ASAP1: variants seen among roughly 807,000 people sequenced by gnomAD.
The protein encoded by ASAP1 is arf-GAP with SH3 domain, ANK repeat and PH domain-containing protein 1.
In ASAP1, 43 loss-of-function variants were observed where a neutral mutation model predicts 145.2. That is an observed-to-expected ratio of 0.30 (90% CI 0.23 to 0.38). ASAP1 has a LOEUF of 0.38. ASAP1 is among the 10% of genes least tolerant of loss of function. ASAP1 has a pLI of 1.00. For synonymous variants in ASAP1, 546 were observed against 515.5 expected (o/e 1.06, Z -0.80); for missense variants, 1,018 against 1,355.3 (o/e 0.75, Z 3.91).
intron 3 of ASAP1, among the ~76,000 whole-genome samples, chr8:130,274,710 T>C (rs1351401412): frequency 6.6e-6 from 1 of 152,244 alleles, no homozygotes; most frequent in Non-Finnish European, 1.5e-5. Flanking sequence ...CGGACTTCTT[T>C]TCCTTAGCAG....
intron 3 of ASAP1, among the ~76,000 whole-genome samples, chr8:130,283,148 G>GT (rs771471357): frequency 6.6e-6 from 1 of 152,206 alleles, no homozygotes; most frequent in Non-Finnish European, 1.5e-5. Flanking sequence ...GAGCTCTGCA[G>GT]TAACTACTGT....
At chr8:130,391,381 G>A (rs1191267181) in intron 2 of ASAP1, among the ~76,000 whole-genome samples, 1 of 152,198 alleles carries the variant, frequency 6.6e-6, no homozygotes, top group Non-Finnish European at 1.5e-5. Flanking sequence ...GCACAACAAT[G>A]TGAACATACT....
intron 24 of ASAP1, among the ~76,000 whole-genome samples, chr8:130,093,052 CA>C (rs2097508969): frequency 6.6e-6 from 1 of 151,698 alleles, no homozygotes; most frequent in African/African-American, 2.4e-5. Context: ...GAAACCAAAC[CA>C]TCTGTTATAT....
In ASAP1 at chr8:130,054,576, G is replaced by A; in HGVS notation, c.*155C>T. On this transcript the variant is annotated 3_prime_UTR_variant, in exon 30 of 30. Transcript: ENST00000518721. ...TACTGGTGAAGGCAGAAAACCACAG[G>A]ATATTTACAACACACATTATATCCC... is the stretch of plus-strand genomic sequence containing the variant. 1.6e-6 allele frequency: 1 copy of A among 636,870 alleles called. No individual in the cohort carries two copies. Among genetic ancestry groups the A allele is most frequent in the Non-Finnish European group, 2.8e-6 (1 of 357,322 alleles). 39.5% of individuals were successfully genotyped at this position (636,870 alleles called of 1,614,324 possible).
At chr8:130,070,182 G>A (rs550888420) in intron 27 of ASAP1, among the ~76,000 whole-genome samples, 6 of 152,210 alleles carry the variant, frequency 3.9e-5, no homozygotes, top group Admixed American at 3.9e-4. Context: ...GACTACAGGC[G>A]CCCGTCACCA....
chr8:130,131,646 T>TGGGCGTGG (rs2097583301), intron 15 of ASAP1, among the ~76,000 whole-genome samples: 1 of 145,240 alleles, frequency 6.9e-6, no homozygotes, highest in South Asian at 2.2e-4. Context: ...GAAAATTAGC[T>TGGGCGTGG]GGGCGTGGTG....
intron 27 of ASAP1, among the ~76,000 whole-genome samples, chr8:130,062,372 C>T (rs149259551): frequency 5.9e-4 from 90 of 152,340 alleles, no homozygotes; most frequent in African/African-American, 2.0e-3. Context: ...CTGCTCATGA[C>T]CTGTCTAGTC....
chr8:130,332,962 G>A (rs1050086978), intron 3 of ASAP1, among the ~76,000 whole-genome samples: 5 of 151,802 alleles, frequency 3.3e-5, no homozygotes, highest in Non-Finnish European at 7.4e-5. Context: ...CTTATCTAAG[G>A]AAATTCTATT....
chr8:130,434,565 G>A (rs1406292180), intron 1 of ASAP1, among the ~76,000 whole-genome samples: 1 of 152,158 alleles, frequency 6.6e-6, no homozygotes, highest in Admixed American at 6.5e-5. Flanking sequence ...TCCAAGTCCA[G>A]TGGTTTTCCC....
intron 3 of ASAP1, among the ~76,000 whole-genome samples, chr8:130,265,545 C>T (rs1820189539): frequency 2.0e-5 from 3 of 149,734 alleles, no homozygotes; most frequent in South Asian, 4.2e-4. Context: ...TGCACTCCAG[C>T]CTGGGTAACA....
intron 3 of ASAP1, among the ~76,000 whole-genome samples, chr8:130,269,117 C>T (rs1227405329): frequency 1.3e-5 from 2 of 152,152 alleles, no homozygotes; most frequent in Admixed American, 1.3e-4. Context: ...GAAACCAGAA[C>T]AGGCCTTGAA....
intron 15 of ASAP1, among the ~76,000 whole-genome samples, chr8:130,129,147 T>G (rs548159738): frequency 6.6e-6 from 1 of 152,298 alleles, no homozygotes; most frequent in African/African-American, 2.4e-5. Context: ...GAAAGACATG[T>G]TTGCTGCCCT....
chr8:130,403,773 C>T (rs931429391), intron 1 of ASAP1, among the ~76,000 whole-genome samples: 2 of 152,004 alleles, frequency 1.3e-5, no homozygotes, highest in South Asian at 4.1e-4. Context: ...AGGCTGGTCT[C>T]GAACTCCTGA....
chr8:130,278,539 T>A (rs371311323), intron 3 of ASAP1, among the ~76,000 whole-genome samples: 7 of 152,302 alleles, frequency 4.6e-5, no homozygotes, highest in East Asian at 3.9e-4. Context: ...TAAGAAAACA[T>A]TCTTTGCAAA....
At chr8:130,401,680 A>G (rs141255492) in intron 2 of ASAP1, among the ~76,000 whole-genome samples, 90 of 152,300 alleles carry the variant, frequency 5.9e-4, no homozygotes, top group African/African-American at 2.1e-3. Flanking sequence ...AATAAAGGCA[A>G]TGGATAATGT....
chr8:130,188,484 A>T (rs972295906), intron 5 of ASAP1, among the ~76,000 whole-genome samples: 1 of 151,958 alleles, frequency 6.6e-6, no homozygotes, highest in African/African-American at 2.4e-5. Context: ...CTGTAATCCC[A>T]GCACTTTGGG....
At chr8:130,157,252 G>C (rs1426395778) in intron 12 of ASAP1, among the ~76,000 whole-genome samples, 1 of 152,196 alleles carries the variant, frequency 6.6e-6, no homozygotes, top group Admixed American at 6.5e-5. Flanking sequence ...TGAATTGTTA[G>C]TTGGGATTTC....
At chr8:130,256,631 T>C (rs1412958018) in intron 3 of ASAP1, among the ~76,000 whole-genome samples, 1 of 151,322 alleles carries the variant, frequency 6.6e-6, no homozygotes. Flanking sequence ...TGTATTCACT[T>C]AGAAGCTAAG....
intron 23 of ASAP1, among the ~76,000 whole-genome samples, chr8:130,113,346 T>C (rs2097549658): frequency 6.6e-6 from 1 of 152,124 alleles, no homozygotes; most frequent in South Asian, 2.1e-4. Context: ...GAATGATGCA[T>C]TCCACCCCAC....
Sources: gnomAD v4.1 joint callset for allele counts (sites outside exome capture counted in the v4.1 genomes callset) on GRCh38, gnomAD v4.1.1 for gene constraint, MANE v1.5 for transcripts, NCBI Gene and HGNC (gene_info 2026-07-23, HGNC 2026-07-21) for gene names.